FGF14: variants seen among roughly 807,000 people sequenced by gnomAD.
FGF14 encodes the protein fibroblast growth factor 14, also known as fibroblast growth factor homologous factor 4.
A neutral mutation model predicts 25.5 loss-of-function variants in FGF14; 5 were observed. That is an observed-to-expected ratio of 0.20 (90% CI 0.10 to 0.41). The LOEUF is 0.41. Ranked by LOEUF, FGF14 falls within the 10% of genes least tolerant of loss-of-function variation. The probability of loss-of-function intolerance (pLI) is 1.00; values close to 1 mark genes in which losing one functional copy is unlikely to be tolerated. For missense variants in FGF14, 222 were observed against 320.1 expected (o/e 0.69, Z 2.34); for synonymous variants, 138 against 118.3 (o/e 1.17, Z -1.08).
intron 3 of FGF14, among the ~76,000 whole-genome samples, chr13:101,844,560 C>G (rs2043351870): frequency 6.6e-6 from 1 of 151,746 alleles, no homozygotes; most frequent in African/African-American, 2.4e-5. Context: ...TTTCTTTTTA[C>G]CCTCTCATCC....
intron 1 of FGF14, among the ~76,000 whole-genome samples, chr13:102,085,692 G>A (rs1006813658): frequency 6.6e-5 from 10 of 152,108 alleles, no homozygotes; most frequent in African/African-American, 2.4e-4. Context: ...ATGTACTCAG[G>A]TACACAGGTG....
At chr13:101,873,800 C>T (rs970008789) in intron 2 of FGF14, among the ~76,000 whole-genome samples, 5 of 152,030 alleles carry the variant, frequency 3.3e-5, no homozygotes, top group Admixed American at 1.3e-4. Flanking sequence ...TGGCATAAAA[C>T]GCCTCCTCTT....
At chr13:101,755,426 C>T (rs1033324853) in intron 3 of FGF14, among the ~76,000 whole-genome samples, 6 of 152,012 alleles carry the variant, frequency 3.9e-5, no homozygotes, top group Admixed American at 1.3e-4. Context: ...GCTTGCACCT[C>T]GGAGTTTCAG....
intron 1 of FGF14, among the ~76,000 whole-genome samples, chr13:102,372,251 G>A (rs2057907952): frequency 6.6e-6 from 1 of 152,102 alleles, no homozygotes. Flanking sequence ...GGTAGGGGTT[G>A]TCAGATTTAG....
At chr13:101,774,292 A>C (rs1362231295) in intron 3 of FGF14, among the ~76,000 whole-genome samples, 1 of 152,122 alleles carries the variant, frequency 6.6e-6, no homozygotes, top group East Asian at 1.9e-4. Flanking sequence ...GATGTGTCTC[A>C]ATGTAAGGAC....
upstream of FGF14, among the ~76,000 whole-genome samples, chr13:101,918,683 G>A (rs894468211): frequency 6.6e-6 from 1 of 152,236 alleles, no homozygotes; most frequent in Non-Finnish European, 1.5e-5. Flanking sequence ...CTCCATGGAA[G>A]CAGCCACTGC....
rs2058683463 is a variant in FGF14, at chr13:102,400,710, G to A, written c.208+761C>T. On this transcript the variant is annotated intron_variant, in intron 1 of 4. Coordinates refer to the FGF14 transcript ENST00000376131. This position sits in a 1 kb window ranked among gnomAD's most constrained non-coding sequence, Gnocchi z 4.3. ...AGTAGGCTTAAAAGCAGGAACTCAC[G>A]GCCTGGCTCATCCCCACCCCTGGCC... Among the ~76,000 whole-genome samples the A allele has an allele frequency of 6.6e-6, 1 of 152,222 alleles. No homozygotes were observed. Among genetic ancestry groups the A allele is most frequent in the South Asian group, 2.1e-4 (1 of 4,828 alleles).
intron 1 of FGF14, among the ~76,000 whole-genome samples, chr13:102,299,040 CAG>C (rs1291959143): frequency 6.6e-6 from 1 of 152,124 alleles, no homozygotes; most frequent in Non-Finnish European, 1.5e-5. Flanking sequence ...CCTTCCTTAA[CAG>C]AATCTATCTT....
At chr13:101,928,516 C>CTG (rs1255368305) in intron 1 of FGF14, among the ~76,000 whole-genome samples, 1 of 151,882 alleles carries the variant, frequency 6.6e-6, no homozygotes, top group East Asian at 1.9e-4. Flanking sequence ...TGGCTTTGAA[C>CTG]TGAAATCTTA....
At chr13:101,830,621 G>C (rs541576349) in intron 3 of FGF14, among the ~76,000 whole-genome samples, 3 of 152,140 alleles carry the variant, frequency 2.0e-5, no homozygotes, top group African/African-American at 7.2e-5. Flanking sequence ...TTCTCTCTCT[G>C]TGACTCATTT....
chr13:101,797,926 CAT>C (rs1248337787), intron 3 of FGF14, among the ~76,000 whole-genome samples: 2 of 151,978 alleles, frequency 1.3e-5, no homozygotes, highest in Non-Finnish European at 2.9e-5. Flanking sequence ...TGTTCAAAGA[CAT>C]AAAGACAACA....
chr13:101,864,594 A>G (rs950252772), intron 3 of FGF14, among the ~76,000 whole-genome samples: 1 of 152,100 alleles, frequency 6.6e-6, no homozygotes, highest in African/African-American at 2.4e-5. Flanking sequence ...GTGAGCCCTA[A>G]TATTTGCAAA....
At chr13:102,314,610 C>T (rs2055929030) in intron 1 of FGF14, among the ~76,000 whole-genome samples, 1 of 152,176 alleles carries the variant, frequency 6.6e-6, no homozygotes. Context: ...CACAATTATT[C>T]ATAGTAAACA....
intron 1 of FGF14, among the ~76,000 whole-genome samples, chr13:102,301,155 T>A (rs1017267367): frequency 6.6e-6 from 1 of 152,188 alleles, no homozygotes; most frequent in African/African-American, 2.4e-5. Context: ...CCAAATGCTT[T>A]ATTGAAATAT....
chr13:102,217,628 G>A (rs964919780), intron 1 of FGF14, among the ~76,000 whole-genome samples: 1 of 152,064 alleles, frequency 6.6e-6, no homozygotes, highest in South Asian at 2.1e-4. Context: ...TTAATTTCCC[G>A]GAATAGTGGC....
intron 3 of FGF14, among the ~76,000 whole-genome samples, chr13:101,811,469 T>A (rs1424474239): frequency 6.6e-6 from 1 of 152,242 alleles, no homozygotes. Flanking sequence ...TGCTGAATAA[T>A]ACCCCATTGT....
intron 1 of FGF14, among the ~76,000 whole-genome samples, chr13:102,138,865 C>G (rs946553668): frequency 2.0e-5 from 3 of 152,194 alleles, no homozygotes; most frequent in African/African-American, 7.2e-5. Context: ...TGTTTTCATA[C>G]AGTAAAACCG....
At chr13:101,978,582 T>G (rs2038068265) in intron 1 of FGF14, among the ~76,000 whole-genome samples, 2 of 152,162 alleles carry the variant, frequency 1.3e-5, no homozygotes, top group South Asian at 4.1e-4. Flanking sequence ...ACCAAATGGG[T>G]TTTCTAAGCA....
At chr13:102,007,590 G>A (rs2039873038) in intron 1 of FGF14, among the ~76,000 whole-genome samples, 1 of 152,192 alleles carries the variant, frequency 6.6e-6, no homozygotes, top group Non-Finnish European at 1.5e-5. Context: ...CCAACAGGTG[G>A]TGACATTCAG....
Sources: allele counts gnomAD v4.1 joint callset (sites outside exome capture counted in the v4.1 genomes callset), GRCh38; gene constraint gnomAD v4.1.1; non-coding constraint Gnocchi (gnomAD v3.1); transcripts MANE v1.5; gene names NCBI Gene and HGNC (gene_info 2026-07-23, HGNC 2026-07-21).